TEX11: variants seen among roughly 807,000 people sequenced by gnomAD.
TEX11 encodes testis-expressed protein 11.
Under a neutral mutation model 84.4 loss-of-function variants are expected in TEX11, and 7 were observed. The ratio of observed to expected loss-of-function variants is 0.08; its 90% CI spans 0.05 to 0.16. TEX11 has a LOEUF of 0.16. TEX11 is among the 10% of genes least tolerant of loss of function. TEX11 has a pLI of 1.00. For synonymous variants in TEX11, 264 were observed against 222.8 expected (o/e 1.18, Z -1.64); for missense variants, 551 against 660.5 (o/e 0.83, Z 1.82).
chrX:70,539,038 A>ATATATATATATTTTTTTTT, intron 28 of TEX11, among the ~76,000 whole-genome samples: 2 of 41,255 alleles, frequency 4.8e-5, no homozygotes, highest in East Asian at 2.3e-3. Context: ...ATATATATAT[A>ATATATATATATTTTTTTTT]TTTTTTTTTT....
intron 17 of TEX11, among the ~76,000 whole-genome samples, chrX:70,647,902 C>T (rs2089763127): frequency 9.0e-6 from 1 of 111,168 alleles, no homozygotes; most frequent in South Asian, 3.8e-4. Flanking sequence ...ACCCAGCCAT[C>T]CCATTACTGG....
intron 16 of TEX11, among the ~76,000 whole-genome samples, chrX:70,662,123 A>G (rs1380798888): frequency 9.0e-6 from 1 of 111,517 alleles, no homozygotes; most frequent in African/African-American, 3.3e-5. Context: ...TTGAAAAAAG[A>G]TTAGACAAAT....
intron 3 of TEX11, among the ~76,000 whole-genome samples, chrX:70,877,676 T>C (rs1406928609): frequency 8.9e-6 from 1 of 112,015 alleles, no homozygotes; most frequent in Non-Finnish European, 1.9e-5. Context: ...GGTACACACA[T>C]ACAATGGATT....
At chrX:70,712,040 A>G (rs2090440487) in intron 13 of TEX11, among the ~76,000 whole-genome samples, 2 of 111,747 alleles carry the variant, frequency 1.8e-5, no homozygotes, top group Non-Finnish European at 3.8e-5. Flanking sequence ...CATTTATTAA[A>G]TTGGGAATCC....
intron 20 of TEX11, among the ~76,000 whole-genome samples, chrX:70,617,802 A>C (rs2089336548): frequency 9.0e-6 from 1 of 111,610 alleles, no homozygotes; most frequent in Non-Finnish European, 1.9e-5. Flanking sequence ...ATAAAATGGA[A>C]GTGGTTTATA....
intron 2 of TEX11, among the ~76,000 whole-genome samples, chrX:70,895,385 A>G (rs1188290351): frequency 8.9e-6 from 1 of 111,883 alleles, no homozygotes; most frequent in African/African-American, 3.2e-5. Flanking sequence ...ACACAAACAA[A>G]TGGAAAAAAA....
chrX:70,549,020 A>C (rs1051491188), intron 28 of TEX11, among the ~76,000 whole-genome samples: 1 of 111,118 alleles, frequency 9.0e-6, no homozygotes, highest in African/African-American at 3.3e-5. Context: ...CCACTAGAGG[A>C]GAGGAGAGGG....
chrX:70,710,686 T>A (rs2090421469), intron 13 of TEX11, among the ~76,000 whole-genome samples: 1 of 110,536 alleles, frequency 9.0e-6, no homozygotes, highest in African/African-American at 3.3e-5. Flanking sequence ...AATCAGAATC[T>A]GCATCTTAAC....
intron 5 of TEX11, among the ~76,000 whole-genome samples, chrX:70,854,446 G>A (rs2091524159): frequency 9.0e-6 from 1 of 111,533 alleles, no homozygotes; most frequent in African/African-American, 3.3e-5. Context: ...ATATGACTTA[G>A]GGCTGAGCAT....
intron 24 of TEX11, among the ~76,000 whole-genome samples, chrX:70,594,134 G>A (rs190155226): frequency 9.0e-6 from 1 of 111,066 alleles, no homozygotes; most frequent in Non-Finnish European, 1.9e-5. Flanking sequence ...AACATGACTC[G>A]CCACATGTAC....
chrX:70,724,269 A>G (rs2090582742), intron 12 of TEX11: 1 of 721,045 alleles, frequency 1.4e-6, no homozygotes. Flanking sequence ...ACATTTTTCA[A>G]TCTGTGTATG....
chrX:70,523,622 C>T, the TEX11 span, among the ~76,000 whole-genome samples: 6,148 of 109,721 alleles, frequency 0.056, 440 homozygotes, highest in African/African-American at 0.19. Context: ...CACCACCACA[C>T]CTGGCTAATT....
chrX:70,873,049 A>G (rs1294384582), intron 4 of TEX11, among the ~76,000 whole-genome samples, 174 bp downstream of exon 4: 1 of 111,570 alleles, frequency 9.0e-6, no homozygotes, highest in Non-Finnish European at 1.9e-5. Context: ...AAAAAAAATC[A>G]TAAAACTGAG....
intron 25 of TEX11, among the ~76,000 whole-genome samples, chrX:70,589,564 C>T (rs1015070391): frequency 1.3e-4 from 14 of 111,357 alleles, no homozygotes; most frequent in Admixed American, 3.8e-4. Flanking sequence ...TGCTGTGCTG[C>T]CCAGGCTGGA....
intron 9 of TEX11, among the ~76,000 whole-genome samples, chrX:70,764,951 A>G (rs1304223005): frequency 9.0e-6 from 1 of 111,620 alleles, no homozygotes; most frequent in Non-Finnish European, 1.9e-5. Context: ...GGAGGAGGGA[A>G]TATATCCAAA....
chrX:70,744,851 T>C (rs1007796146), intron 9 of TEX11, among the ~76,000 whole-genome samples: 102 of 108,795 alleles, frequency 9.4e-4, no homozygotes, highest in African/African-American at 3.3e-3. Flanking sequence ...GCTAGGATTA[T>C]AGGAACTCAT....
intron 11 of TEX11, among the ~76,000 whole-genome samples, chrX:70,726,767 G>A (rs2090602800): frequency 9.1e-6 from 1 of 109,791 alleles, no homozygotes; most frequent in African/African-American, 3.3e-5. Context: ...CTGACCTCAA[G>A]TGATCCACCT....
intron 15 of TEX11, 28 bp downstream of exon 15, chrX:70,678,776 A>T (rs2090098362): frequency 8.6e-7 from 1 of 1,157,305 alleles, no homozygotes; most frequent in African/African-American, 1.8e-5. Flanking sequence ...TGGAGAAATA[A>T]AGAATGAAAA....
intron 9 of TEX11, among the ~76,000 whole-genome samples, chrX:70,746,899 G>C (rs757933368): frequency 8.9e-6 from 1 of 112,232 alleles, no homozygotes; most frequent in Non-Finnish European, 1.9e-5. Flanking sequence ...CACAATCAGA[G>C]AAAGTGTTGG....
Sources: gnomAD v4.1 joint callset for allele counts (sites outside exome capture counted in the v4.1 genomes callset) on GRCh38, gnomAD v4.1.1 for gene constraint, MANE v1.5 for transcripts, NCBI Gene and HGNC (gene_info 2026-07-23, HGNC 2026-07-21) for gene names.